Variants in SIK2 observed in about 807,000 individuals in gnomAD.
SIK2 encodes the protein serine/threonine-protein kinase SIK2.
SIK2 carries 29 observed loss-of-function variants against 103.2 expected under a neutral mutation model. That is an observed-to-expected ratio of 0.28 (90% CI 0.21 to 0.38). The LOEUF (loss-of-function observed/expected upper bound fraction) is 0.38, where lower values mean the gene tolerates loss of function less well. Ranked by LOEUF, SIK2 falls within the 10% of genes least tolerant of loss-of-function variation. SIK2 has a pLI of 1.00. For synonymous variants in SIK2, 412 were observed against 446.1 expected, an observed-to-expected ratio of 0.92 and a Z score of 0.96; for missense variants, 879 against 1,171.0, an observed-to-expected ratio of 0.75 and a Z score of 3.64.
chr11:111,712,294 C>G lies in SIK2; in HGVS notation c.1185C>G (p.Asn395Lys). Reference sequence around the variant, plus strand: ...CTGCCCTCCTCCCCCAGGCATCCAACGTGGAGGCCTTTTCATTTCCAGCAT... The same window carrying G: ...CTGCCCTCCTCCCCCAGGCATCCAAGGTGGAGGCCTTTTCATTTCCAGCAT... The part of the protein sequence containing the change: ...LRSALLPQAS[N>K]VEAFSFPASG... Residue 395 changes from asparagine (N) to lysine (K), a missense_variant, in exon 9 of 15, where the codon AAC (asparagine) becomes AAG (lysine). Around this residue, in one of 7 missense-constraint regions of SIK2, gnomAD observed 222 missense variants for 258.0 expected, o/e 0.86. Transcript: ENST00000304987. 6.2e-7 allele frequency: 1 copy of G among 1,614,174 alleles called. No homozygotes were observed. The highest frequency in any genetic ancestry group is 8.5e-7 in the Non-Finnish European group (1 of 1,180,022).
intron 1 of SIK2, among the ~76,000 whole-genome samples, chr11:111,605,466 TTA>T (rs1367238681): frequency 6.6e-6 from 1 of 152,236 alleles, no homozygotes; most frequent in Non-Finnish European, 1.5e-5. Context: ...ACTACAGTAG[TTA>T]TAGTGGAACA....
chr11:111,656,909 T>C (rs1018004901), intron 3 of SIK2, among the ~76,000 whole-genome samples: 2 of 152,220 alleles, frequency 1.3e-5, no homozygotes, highest in African/African-American at 4.8e-5. Flanking sequence ...ACTTTTGTAT[T>C]ATTTTAATCT....
In SIK2 at chr11:111,623,103, CT is replaced by C. The variant is rs368350888; in HGVS notation, c.316+2708del. On this transcript the variant is annotated intron_variant, in intron 3 of 14. Transcript: ENST00000304987. The stretch of plus-strand genomic sequence containing the variant: ...GCTCTTTTCCATTTTTAAAAAATTC[CT>C]TTTTTTCTATTTCATGTTGAGTAGT... Among the ~76,000 whole-genome samples the C allele has an allele frequency of 1.1e-4, 17 of 152,266 alleles. No individual in the cohort carries two copies. In the South Asian group the frequency reaches 3.5e-3, roughly 32 times the overall value.
intron 10 of SIK2, 39 bp from the exon 11 acceptor site, chr11:111,720,439 T>A: frequency 1.3e-6 from 2 of 1,549,700 alleles, no homozygotes; most frequent in Middle Eastern, 1.7e-4. Context: ...AAGGAGATGC[T>A]ATTGCTGTTG....
chr11:111,693,959 CT>C (rs1027368605), intron 4 of SIK2, among the ~76,000 whole-genome samples: 2 of 152,196 alleles, frequency 1.3e-5, no homozygotes, highest in Non-Finnish European at 2.9e-5. Flanking sequence ...TTCCTGACTT[CT>C]CTCTTCTCAG....
rs892164241 is a variant in SIK2, at chr11:111,701,736, C to T, written c.727+161C>T. ...AAAGAAGCAACCTCCTTTATGTAGG[C>T]GAGACAGGTTCCAGCCTTCTACTTG... On this transcript the variant is annotated intron_variant, in intron 6 of 14. Coordinates refer to ENST00000304987, the MANE Select transcript of SIK2 (RefSeq NM_015191.3). This position sits in a 1 kb window ranked among gnomAD's most constrained non-coding sequence, Gnocchi z 4.2. Among the ~76,000 whole-genome samples the T allele has an allele frequency of 3.9e-5, 6 of 152,100 alleles. No individual in the cohort carries two copies. The highest frequency in any genetic ancestry group is 6.5e-5 in the Admixed American group (1 of 15,270).
chr11:111,724,477 A>C lies in SIK2; in HGVS notation c.*348A>C. ...ATTACATCCGTTTATTATCAAGGGCAACCTTGGTGAAAGCAGAAAGGGTGT... is the reference window on the plus strand; with the variant it reads ...ATTACATCCGTTTATTATCAAGGGCCACCTTGGTGAAAGCAGAAAGGGTGT... On this transcript the variant is annotated 3_prime_UTR_variant, in exon 15 of 15. Transcript: ENST00000304987. 3.6e-6 allele frequency: 1 copy of C among 274,570 alleles called. No homozygotes were observed. The highest frequency in any genetic ancestry group is 6.9e-6 in the Non-Finnish European group (1 of 144,186). The allele number at this position is 274,570 out of a possible 1,614,324, so 17.0% of individuals were successfully genotyped here.
chr11:111,723,793 C>T lies in SIK2; in HGVS notation c.2445C>T (p.Pro815=), dbSNP rs770326935. 34 of 1,613,824 alleles carry T rather than the reference C, an allele frequency of 2.1e-5. No individual in the cohort carries two copies. The highest frequency in any genetic ancestry group is 2.7e-5 in the Non-Finnish European group (32 of 1,180,060). The change falls in exon 15 of 15, where the codon CCC becomes CCT. Residue 815 remains proline (P), a synonymous_variant. Transcript: ENST00000304987. ...TSGPRAAPPL[P]TQLQQQQPPP... ...GTCCCCGGGCTGCTCCTCCTCTGCCCACGCAGCTACAGCAGCAGCAGCCGC... is the reference window on the plus strand; with the variant it reads ...GTCCCCGGGCTGCTCCTCCTCTGCCTACGCAGCTACAGCAGCAGCAGCCGC...
intron 4 of SIK2, among the ~76,000 whole-genome samples, chr11:111,697,899 G>A (rs758553331): frequency 2.9e-4 from 44 of 152,250 alleles, no homozygotes; most frequent in South Asian, 1.7e-3. Flanking sequence ...GGTCCCAGCT[G>A]CTTGGAAGGC....
intron 3 of SIK2, among the ~76,000 whole-genome samples, chr11:111,624,916 A>G (rs1941941957): frequency 6.6e-6 from 1 of 152,228 alleles, no homozygotes; most frequent in African/African-American, 2.4e-5. Context: ...AGTCATGTCG[A>G]TATGGTAGAA....
rs1202672218 is a variant in SIK2, at chr11:111,688,661, G to A, written c.478+499G>A. On this transcript the variant is annotated intron_variant, in intron 4 of 14. Transcript: ENST00000304987. The surrounding 1 kb of genome is among the most constrained non-coding windows in gnomAD (Gnocchi z 4.2). ...TGATTTATAACATGAAAATTAAGTT[G>A]GGTAGAGATTAGTTTGCCTGTTTTT... Among the ~76,000 whole-genome samples the A allele has an allele frequency of 6.6e-6, 1 of 152,176 alleles. No individual in the cohort carries two copies. The highest frequency in any genetic ancestry group is 6.5e-5 in the Admixed American group (1 of 15,284).
chr11:111,672,057 C>A, intron 3 of SIK2: 1 of 505,420 alleles, frequency 2.0e-6, no homozygotes, highest in South Asian at 1.5e-5. Context: ...CCAGGAACCA[C>A]AACTTGTTGA....
At chr11:111,663,039 C>T (rs1320419120) in intron 3 of SIK2, among the ~76,000 whole-genome samples, 2 of 151,974 alleles carry the variant, frequency 1.3e-5, no homozygotes, top group Non-Finnish European at 2.9e-5. Flanking sequence ...TCAAGACCAG[C>T]CTGGGCAACA....
intron 3 of SIK2, among the ~76,000 whole-genome samples, chr11:111,647,147 C>G (rs1371942517): frequency 6.6e-6 from 1 of 152,160 alleles, no homozygotes; most frequent in Non-Finnish European, 1.5e-5. Flanking sequence ...ATCAATTAAA[C>G]ATGCCATAAT....
chr11:111,713,022 A>C (rs1943544435), intron 9 of SIK2, among the ~76,000 whole-genome samples: 6 of 152,104 alleles, frequency 3.9e-5, no homozygotes, highest in Admixed American at 3.9e-4. Flanking sequence ...AAAATTAGCC[A>C]GGCGTGGTGG....
chr11:111,709,370 T>C (rs1943436294), intron 8 of SIK2, among the ~76,000 whole-genome samples: 1 of 152,226 alleles, frequency 6.6e-6, no homozygotes, highest in Non-Finnish European at 1.5e-5. Flanking sequence ...GGTGAGGGGC[T>C]CAACTTGTGA....
At chr11:111,616,856 G>A (rs541890782) in intron 2 of SIK2, among the ~76,000 whole-genome samples, 5 of 152,052 alleles carry the variant, frequency 3.3e-5, no homozygotes, top group African/African-American at 9.6e-5. Flanking sequence ...AGTTTACAAT[G>A]TATGATACGC....
In SIK2 at chr11:111,705,003, G is replaced by A; in HGVS notation, c.965G>A (p.Ser322Asn). Residue 322 changes from serine (S) to asparagine (N), a missense_variant, in exon 8 of 15, where the codon AGC (serine) becomes AAC (asparagine). By Grantham distance (46) the Ser-to-Asn change is conservative. This residue lies in a region of SIK2 where 99 missense variants were observed against 153.9 expected (regional missense o/e 0.64). Transcript: ENST00000304987. This position sits in a 1 kb window ranked among gnomAD's most constrained non-coding sequence, Gnocchi z 4.3. ...QKTIESLQNK[S>N]YNHFAAIYFL... The stretch of plus-strand genomic sequence containing the variant: ...TTATTTCAGTCTTTGCAGAACAAGA[G>A]CTATAACCACTTTGCTGCCATTTAT... 6.2e-7 allele frequency: 1 copy of A among 1,606,710 alleles called. No individual in the cohort carries two copies. Among genetic ancestry groups the A allele is most frequent in the Non-Finnish European group, 8.5e-7 (1 of 1,177,330 alleles).
intron 4 of SIK2, among the ~76,000 whole-genome samples, chr11:111,689,229 A>G (rs1205966744): frequency 6.6e-6 from 1 of 152,218 alleles, no homozygotes; most frequent in Admixed American, 6.5e-5. Context: ...CTTGAATGCC[A>G]TGTCAAAGAT....
Sources: gnomAD v4.1 joint callset for allele counts (sites outside exome capture counted in the v4.1 genomes callset) on GRCh38, gnomAD v4.1.1 for gene constraint, gnomAD v4.1.1 regional missense constraint, Gnocchi (gnomAD v3.1) non-coding constraint, MANE v1.5 for transcripts, NCBI Gene and HGNC (gene_info 2026-07-23, HGNC 2026-07-21) for gene names.